Variants in FRMPD1 observed in about 807,000 individuals in gnomAD.
FRMPD1 encodes FERM and PDZ domain containing 1, also known as FERM and PDZ domain-containing protein 1.
FRMPD1 carries 76 observed loss-of-function variants against 117.8 expected under a neutral mutation model. The observed-to-expected ratio is 0.65, with a 90% CI of 0.54 to 0.78. The LOEUF (loss-of-function observed/expected upper bound fraction) is 0.78, where lower values mean the gene tolerates loss of function less well. Ranked by LOEUF, FRMPD1 falls within the 30% of genes least tolerant of loss-of-function variation. The probability of loss-of-function intolerance (pLI) is 0.00; values close to 1 mark genes in which losing one functional copy is unlikely to be tolerated. For synonymous variants in FRMPD1, 783 were observed against 770.4 expected (o/e 1.02, Z -0.27); for missense variants, 1,786 against 1,964.5 (o/e 0.91, Z 1.72).
Position 37,746,659 on chromosome 9 carries a change from G to T in FRMPD1, c.4627G>T (p.Glu1543Ter). The change falls in exon 16 of 16, where the codon GAG (glutamate) becomes TAG (stop). Residue 1543 changes from glutamate to a stop codon, truncating the protein, a stop_gained. Transcript: ENST00000377765. LOFTEE classifies it high-confidence loss of function. ...TATAGAGGCTGCTAAATCGACCTGC[G>T]AGAGAGGCTACCACGACCTGAGTGT... is the stretch of plus-strand genomic sequence containing the variant. ...QFIEAAKSTC[E>*]RGYHDLSVKL... The T allele has an allele frequency of 6.2e-7, 1 of 1,614,064 alleles. No individual in the cohort carries two copies. The highest frequency in any genetic ancestry group is 8.5e-7 in the Non-Finnish European group (1 of 1,179,942).
chr9:37,616,650 T>C, the FRMPD1 span, among the ~76,000 whole-genome samples: 11 of 152,186 alleles, frequency 7.2e-5, no homozygotes, highest in South Asian at 2.3e-3. Context: ...CACTTGAAGG[T>C]CAAGCACAGA....
chr9:37,714,576 GTTTAT>G (rs879932382), intron 5 of FRMPD1, among the ~76,000 whole-genome samples: 7 of 144,526 alleles, frequency 4.8e-5, no homozygotes, highest in African/African-American at 1.3e-4. Flanking sequence ...CTCCGAAGAA[GTTTAT>G]TTTATTTTAT....
chr9:37,665,169 T>G (rs1821124858), intron 1 of FRMPD1, among the ~76,000 whole-genome samples: 1 of 152,244 alleles, frequency 6.6e-6, no homozygotes, highest in Non-Finnish European at 1.5e-5. Flanking sequence ...GAAACCAGCA[T>G]ATATGGTAAG....
At chr9:37,662,809 A>G (rs1478183673) in intron 1 of FRMPD1, among the ~76,000 whole-genome samples, 2 of 152,184 alleles carry the variant, frequency 1.3e-5, no homozygotes, top group Non-Finnish European at 2.9e-5. Context: ...TTCAGAATAG[A>G]TTGACCTTTA....
intron 2 of FRMPD1, among the ~76,000 whole-genome samples, chr9:37,696,049 T>C (rs1226414579): frequency 2.9e-5 from 4 of 138,762 alleles, no homozygotes; most frequent in Non-Finnish European, 6.1e-5. Context: ...TCCATTGTTT[T>C]GCTTTTTTTT....
upstream of FRMPD1, among the ~76,000 whole-genome samples, chr9:37,650,135 T>A (rs1317182559): frequency 6.6e-6 from 1 of 152,216 alleles, no homozygotes; most frequent in Non-Finnish European, 1.5e-5. Context: ...AGGTGTATTG[T>A]ATCTCCAGTG....
Position 37,746,254 on chromosome 9 carries a change from C to T in FRMPD1, c.4222C>T (p.Leu1408=), listed in dbSNP as rs1322698679. The T allele has an allele frequency of 3.1e-6, 5 of 1,612,762 alleles. No individual in the cohort carries two copies. The highest frequency in any genetic ancestry group is 4.2e-6 in the Non-Finnish European group (5 of 1,179,878). ...CTGGCCAGAGTACTGCTCCAGGGCA[C>T]TGAGACAGCTGAAAGCCACCCCTGC... is the stretch of plus-strand genomic sequence containing the variant. The part of the protein sequence containing the change: ...HIWPEYCSRA[L]RQLKATPAST... Residue 1408 remains leucine, a synonymous_variant, in exon 16 of 16, where the codon CTG becomes TTG. Coordinates refer to ENST00000377765, the MANE Select transcript of FRMPD1 (RefSeq NM_014907.3).
At position 37,719,090 on chromosome 9, in the gene FRMPD1, C is replaced by T. The variant is rs1367768789; in HGVS notation, c.430C>T (p.Leu144=). 1.2e-6 allele frequency: 2 copies of T among 1,612,400 alleles called. No individual in the cohort carries two copies. The highest frequency in any genetic ancestry group is 1.1e-5 in the South Asian group (1 of 91,054). The change falls in exon 6 of 16, where the codon CTG becomes TTG. Residue 144 remains leucine, a synonymous_variant. Coordinates refer to ENST00000377765, the MANE Select transcript of FRMPD1 (RefSeq NM_014907.3). ...TCAGGGAGTCCCTAAATCGTCCTTC[C>T]TGACCGAGGAGAAGAGAGCCAGACT... ...CTSGVPKSSF[L]TEEKRARLKT...
At chr9:37,731,210 A>G in intron 9 of FRMPD1, 107 bp downstream of exon 9, 1 of 959,680 alleles carries the variant, frequency 1.0e-6, no homozygotes, top group African/African-American at 1.6e-5. Flanking sequence ...CCTGGTAGGG[A>G]TTCTCTTTAT....
chr9:37,735,701 G>T lies in FRMPD1; in HGVS notation c.1368G>T (p.Val456=). 6.2e-7 allele frequency: 1 copy of T among 1,613,636 alleles called. No individual in the cohort carries two copies. The highest frequency in any genetic ancestry group is 1.1e-5 in the South Asian group (1 of 91,028). ...AGCTAACGGAAGAGTCTGAGAAAGT[G>T]AGCGTCGTCAAAGTGTATCTTCAGG... The part of the protein sequence containing the change: ...RVELTEESEK[V]SVVKVYLQDV... The change falls in exon 13 of 16, where the codon GTG becomes GTT. Residue 456 remains valine (V), a synonymous_variant. Coordinates refer to ENST00000377765, the MANE Select transcript of FRMPD1 (RefSeq NM_014907.3).
Position 37,737,129 on chromosome 9 carries a change from A to G in FRMPD1, c.1435A>G (p.Lys479Glu). The G allele has an allele frequency of 6.2e-7, 1 of 1,613,078 alleles. No homozygotes were observed. Among genetic ancestry groups the G allele is most frequent in the Non-Finnish European group, 8.5e-7 (1 of 1,179,100 alleles). ...LTLLLESNSA[K>E]DLACLIAGYY... ...TTTGCTGCTGGAATCCAACAGTGCA[A>G]AAGACCTAGCCTGCCTGATTGCTGG... Residue 479 changes from lysine (K) to glutamate (E), a missense_variant, in exon 14 of 16, where the codon AAA becomes GAA. Physicochemically the swap from Lys to Glu is moderately conservative, Grantham distance 56. Coordinates refer to ENST00000377765, the MANE Select transcript of FRMPD1 (RefSeq NM_014907.3).
At chr9:37,730,559 T>G (rs543808575) in intron 8 of FRMPD1, among the ~76,000 whole-genome samples, 1 of 152,320 alleles carries the variant, frequency 6.6e-6, no homozygotes, top group Admixed American at 6.5e-5. Context: ...CCATTTGCAT[T>G]GGGAAAGAAA....
At chr9:37,729,597 T>C in intron 7 of FRMPD1, 131 bp from the exon 8 acceptor site, 1 of 896,586 alleles carries the variant, frequency 1.1e-6, no homozygotes, top group Non-Finnish European at 1.7e-6. Context: ...GGGACCAGAC[T>C]CTGGCGTAAG....
At chr9:37,619,698 T>C in the FRMPD1 span, among the ~76,000 whole-genome samples, 3 of 149,732 alleles carry the variant, frequency 2.0e-5, no homozygotes, top group African/African-American at 7.4e-5. Flanking sequence ...TTGGAGGTTG[T>C]GGTGAGCCGA....
At chr9:37,678,864 G>T (rs1002841018) in intron 1 of FRMPD1, among the ~76,000 whole-genome samples, 3 of 152,244 alleles carry the variant, frequency 2.0e-5, no homozygotes, top group African/African-American at 7.2e-5. Flanking sequence ...TCAGGGCAGG[G>T]CCCAGAATAG....
chr9:37,634,028 C>T, the FRMPD1 span, among the ~76,000 whole-genome samples: 2 of 152,176 alleles, frequency 1.3e-5, no homozygotes, highest in Non-Finnish European at 2.9e-5. Flanking sequence ...GGGAACCACA[C>T]TTAATTATTC....
At chr9:37,711,305 C>T (rs773664558) in intron 4 of FRMPD1, 45 bp from the exon 5 acceptor site, 23 of 1,316,922 alleles carry the variant, frequency 1.7e-5, no homozygotes, top group African/African-American at 1.4e-5. Context: ...GCATCCATCA[C>T]GCAGAACGAC....
intron 1 of FRMPD1, among the ~76,000 whole-genome samples, chr9:37,662,489 A>G (rs150660328): frequency 3.9e-5 from 6 of 152,298 alleles, no homozygotes; most frequent in African/African-American, 1.4e-4. Flanking sequence ...GGGGACAAAT[A>G]AGAAGTCAGC....
chr9:37,730,253 C>T (rs932113759), intron 8 of FRMPD1, among the ~76,000 whole-genome samples: 1 of 152,094 alleles, frequency 6.6e-6, no homozygotes, highest in Non-Finnish European at 1.5e-5. Context: ...TGGGACTTAC[C>T]CCCGATATGG....
Sources: gnomAD v4.1 joint callset for allele counts (sites outside exome capture counted in the v4.1 genomes callset) on GRCh38, gnomAD v4.1.1 for gene constraint, MANE v1.5 for transcripts, NCBI Gene and HGNC (gene_info 2026-07-23, HGNC 2026-07-21) for gene names.